YEATS2: variants seen among roughly 807,000 people sequenced by gnomAD.
The protein encoded by YEATS2 is YEATS domain containing 2.
In YEATS2, 77 loss-of-function variants were observed where a neutral mutation model predicts 163.2. That is an observed-to-expected ratio of 0.47 (90% CI 0.39 to 0.57). The LOEUF is 0.57. YEATS2 is among the 20% of genes least tolerant of loss of function. The probability of loss-of-function intolerance (pLI) is 0.00; values close to 1 mark genes in which losing one functional copy is unlikely to be tolerated. For synonymous variants in YEATS2, 631 were observed against 645.1 expected (o/e 0.98, Z 0.33); for missense variants, 1,549 against 1,729.8 (o/e 0.90, Z 1.85).
At chr3:183,737,506 A>G (rs989774629) in intron 8 of YEATS2, among the ~76,000 whole-genome samples, 1 of 152,252 alleles carries the variant, frequency 6.6e-6, no homozygotes, top group Non-Finnish European at 1.5e-5. Context: ...TAATCAGAAC[A>G]CATGAATCTT....
In YEATS2 at chr3:183,793,292, G is replaced by C; in HGVS notation, c.3097+2312G>C. 3 of 1,127,072 alleles carry C rather than the reference G, an allele frequency of 2.7e-6. No individual in the cohort carries two copies. The Middle Eastern group carries it at 7.5e-4, about 281-fold the overall frequency. The allele number at this position is 1,127,072 out of a possible 1,614,324, so 69.8% of individuals were successfully genotyped here. A position where few individuals can be genotyped will look rare whatever the true frequency, so the allele number is the denominator to read the frequency against. On this transcript the variant is annotated intron_variant, in intron 21 of 30. Transcript: ENST00000305135. ...TTCATTCATATGTAGCTCCACACCA[G>C]GCCCCTTGTGTCTTGTTTGGATAGA...
intron 5 of YEATS2, 107 bp downstream of exon 5, chr3:183,722,243 A>T: frequency 1.2e-5 from 12 of 987,524 alleles, no homozygotes; most frequent in Non-Finnish European, 1.5e-5. Context: ...CTTAGGAAAT[A>T]GGTTTGTTTT....
intron 26 of YEATS2, 91 bp downstream of exon 26, chr3:183,803,426 T>C (rs1725883078): frequency 4.1e-6 from 5 of 1,218,196 alleles, no homozygotes; most frequent in Admixed American, 2.2e-5. Context: ...GGTTGAAATA[T>C]TTGATGGCAG....
At position 183,724,980 on chromosome 3, in the gene YEATS2, T is replaced by C. The variant is rs184132237; in HGVS notation, c.650+449T>C. Among the ~76,000 whole-genome samples, 191 of 151,086 alleles carry C rather than the reference T, an allele frequency of 1.3e-3. 1 individual carries two copies. The highest frequency in any genetic ancestry group is 4.4e-3 in the African/African-American group (183 of 41,132). ...CTGGTCTTGAACTCCCGACCTCAGG[T>C]GATCCATCCACCTTGGCCTCTCAAA... On this transcript the variant is annotated intron_variant, in intron 6 of 30. Transcript: ENST00000305135.
At chr3:183,729,323 C>T (rs1577069515) in intron 7 of YEATS2, among the ~76,000 whole-genome samples, 2 of 151,808 alleles carry the variant, frequency 1.3e-5, no homozygotes, top group East Asian at 3.9e-4. Flanking sequence ...TACTGTCTCA[C>T]TGAGCAGGCA....
chr3:183,700,422 AT>A (rs1438779715), intron 1 of YEATS2, among the ~76,000 whole-genome samples: 1 of 152,012 alleles, frequency 6.6e-6, no homozygotes, highest in East Asian at 1.9e-4. Context: ...ACGGATTTTT[AT>A]TTGAATGTTC....
intron 18 of YEATS2, among the ~76,000 whole-genome samples, chr3:183,776,719 C>A (rs139865426): frequency 6.6e-6 from 1 of 151,886 alleles, no homozygotes; most frequent in Non-Finnish European, 1.5e-5. Flanking sequence ...TCTGGGAGGC[C>A]GAGGCAGGCA....
chr3:183,754,221 A>G lies in YEATS2; in HGVS notation c.1246A>G (p.Lys416Glu). 1 of 1,614,110 alleles carries G rather than the reference A, an allele frequency of 6.2e-7. No homozygotes were observed. The highest frequency in any genetic ancestry group is 8.5e-7 in the Non-Finnish European group (1 of 1,179,976). The change falls in exon 11 of 31, where the codon AAA (lysine) becomes GAA (glutamate). Residue 416 changes from lysine (K) to glutamate (E), a missense_variant. Lys to Glu is a moderately conservative substitution (Grantham distance 56, BLOSUM62 1). Coordinates refer to ENST00000305135, the MANE Select transcript of YEATS2 (RefSeq NM_018023.5). ...ACCCACCAAAATGACTACATCCCAG[A>G]AAGTTACCTTTTGTTCCCATGGCAA... ...RTPTKMTTSQ[K>E]VTFCSHGNSA...
intron 19 of YEATS2, among the ~76,000 whole-genome samples, chr3:183,782,899 C>T (rs1442421040): frequency 6.6e-6 from 1 of 152,176 alleles, no homozygotes; most frequent in Non-Finnish European, 1.5e-5. Flanking sequence ...TTATAAGAAA[C>T]TGAGAAATGG....
At chr3:183,732,075 C>T (rs1717845583) in intron 7 of YEATS2, among the ~76,000 whole-genome samples, 2 of 151,832 alleles carry the variant, frequency 1.3e-5, no homozygotes, top group African/African-American at 4.8e-5. Context: ...GTATATAAGT[C>T]TATTACTGCA....
intron 7 of YEATS2, among the ~76,000 whole-genome samples, chr3:183,733,776 C>T (rs932021325): frequency 2.0e-5 from 3 of 152,092 alleles, no homozygotes; most frequent in African/African-American, 7.2e-5. Flanking sequence ...GAAGCACTTT[C>T]TTCCACGTTT....
intron 7 of YEATS2, among the ~76,000 whole-genome samples, chr3:183,729,891 T>C (rs751881137): frequency 1.3e-5 from 2 of 151,838 alleles, no homozygotes; most frequent in Admixed American, 6.6e-5. Flanking sequence ...GCTTTCACCA[T>C]GTTGGCCAGG....
chr3:183,709,426 A>G (rs1714953252), intron 1 of YEATS2, among the ~76,000 whole-genome samples: 1 of 147,458 alleles, frequency 6.8e-6, no homozygotes, highest in Admixed American at 6.8e-5. Flanking sequence ...CTGCCTCCTC[A>G]CAGGTTCAGG....
At chr3:183,770,341 G>A (rs1009232824) in intron 15 of YEATS2, among the ~76,000 whole-genome samples, 2 of 151,884 alleles carry the variant, frequency 1.3e-5, no homozygotes, top group African/African-American at 4.8e-5. Flanking sequence ...CCGAGATTGC[G>A]CCACTTCCTG....
intron 27 of YEATS2, 171 bp from the exon 28 acceptor site, chr3:183,806,695 C>T: frequency 1.5e-6 from 1 of 650,730 alleles, no homozygotes; most frequent in South Asian, 2.0e-5. Flanking sequence ...GCCTTTCTCC[C>T]TCGTGAATTA....
chr3:183,702,139 A>G (rs915758666), intron 1 of YEATS2, among the ~76,000 whole-genome samples: 3 of 152,148 alleles, frequency 2.0e-5, no homozygotes, highest in African/African-American at 7.2e-5. Context: ...TACAGAACAG[A>G]TGATATGGAA....
chr3:183,749,280 C>A (rs780054160), intron 9 of YEATS2, among the ~76,000 whole-genome samples: 2 of 152,166 alleles, frequency 1.3e-5, no homozygotes, highest in Non-Finnish European at 2.9e-5. Flanking sequence ...TTAAAAAACA[C>A]GTAACACAAA....
At chr3:183,809,266 TAGG>T (rs1449861854) in intron 30 of YEATS2, 96 bp downstream of exon 30, 1 of 1,258,166 alleles carries the variant, frequency 7.9e-7, no homozygotes, top group East Asian at 2.3e-5. Flanking sequence ...ATCAATCCAG[TAGG>T]AGATGGAGTG....
chr3:183,719,686 A>G (rs1000338781), intron 4 of YEATS2, among the ~76,000 whole-genome samples: 1 of 150,552 alleles, frequency 6.6e-6, no homozygotes, highest in Non-Finnish European at 1.5e-5. Flanking sequence ...TTTTTTTTTT[A>G]AAAGAGACAT....
Sources: allele counts gnomAD v4.1 joint callset (sites outside exome capture counted in the v4.1 genomes callset), GRCh38; gene constraint gnomAD v4.1.1; transcripts MANE v1.5; gene names NCBI Gene and HGNC (gene_info 2026-07-23, HGNC 2026-07-21).